The following ZC3H14 variants were observed in gnomAD, a reference collection of about 807,000 sequenced individuals.
ZC3H14 encodes zinc finger CCCH domain-containing protein 14.
ZC3H14 carries 31 observed loss-of-function variants against 92.4 expected under a neutral mutation model. The observed-to-expected ratio is 0.34, with a 90% CI of 0.25 to 0.45. ZC3H14 has a LOEUF of 0.45. Among genes scored for constraint, ZC3H14 ranks in the 20% least tolerant of loss-of-function variants. The probability of loss-of-function intolerance (pLI) is 1.00; values close to 1 mark genes in which losing one functional copy is unlikely to be tolerated. For missense variants in ZC3H14, 781 were observed against 897.3 expected (o/e 0.87, Z 1.66); for synonymous variants, 321 against 300.9 (o/e 1.07, Z -0.69).
intron 9 of ZC3H14, among the ~76,000 whole-genome samples, chr14:88,585,418 C>T (rs1259292632): frequency 2.0e-5 from 3 of 150,882 alleles, no homozygotes; most frequent in Admixed American, 1.3e-4. Flanking sequence ...CACTTTGTTG[C>T]CAGGCTGGAG....
rs148065725 is a variant in ZC3H14, at chr14:88,574,710, G to A, written c.879G>A (p.Lys293=). The A allele has an allele frequency of 2.3e-5, 37 of 1,613,982 alleles. No individual in the cohort carries two copies. Among genetic ancestry groups the A allele is most frequent in the Admixed American group, 3.3e-5 (2 of 60,000 alleles). The part of the protein sequence containing the change: ...KMSMEDENFR[K]RKLPVVSSVV... ...GATTGCAGGATGAAAACTTTCGGAAGAGAAAGTTGCCTGTGGTAAGTTCAG... is the reference window on the plus strand; with the variant it reads ...GATTGCAGGATGAAAACTTTCGGAAAAGAAAGTTGCCTGTGGTAAGTTCAG... The change falls in exon 7 of 17, where the codon AAG becomes AAA. Residue 293 remains lysine, a synonymous_variant. Coordinates refer to ENST00000251038, the MANE Select transcript of ZC3H14 (RefSeq NM_024824.5).
At chr14:88,577,013 G>A (rs538232731) in intron 8 of ZC3H14, among the ~76,000 whole-genome samples, 5 of 151,888 alleles carry the variant, frequency 3.3e-5, no homozygotes, top group South Asian at 4.2e-4. Context: ...GGCTGGTCTC[G>A]TACTCCTGAC....
In ZC3H14 at chr14:88,574,743, A is replaced by G; in HGVS notation, c.912A>G (p.Lys304=). The G allele has an allele frequency of 1.2e-6, 2 of 1,614,190 alleles. No individual in the cohort carries two copies. Among genetic ancestry groups the G allele is most frequent in the Non-Finnish European group, 1.7e-6 (2 of 1,180,028 alleles). ...RKLPVVSSVV[K]VKKFNHDGEE... Reference sequence around the variant, plus strand: ...TGCCTGTGGTAAGTTCAGTTGTTAAAGTAAAAAAATTCAATCATGATGGAG... The same window carrying G: ...TGCCTGTGGTAAGTTCAGTTGTTAAGGTAAAAAAATTCAATCATGATGGAG... Residue 304 remains lysine (K), a synonymous_variant, in exon 7 of 17, where the codon AAA becomes AAG. Coordinates refer to ENST00000251038, the MANE Select transcript of ZC3H14 (RefSeq NM_024824.5).
chr14:88,607,110 G>A, intron 12 of ZC3H14, 133 bp from the exon 13 acceptor site: 1 of 1,374,316 alleles, frequency 7.3e-7, no homozygotes, highest in Non-Finnish European at 1.0e-6. Context: ...CCCATAATTT[G>A]AGCTCACTTA....
At position 88,587,701 on chromosome 14, in the gene ZC3H14, T is replaced by G. The variant is rs188375162; in HGVS notation, c.1280-9033T>G. ...TGGCTCACACCTGTAATCCCAGCACTTTAGGAGGCTGAGGTGGGAGATTTG... is the reference window on the plus strand; with the variant it reads ...TGGCTCACACCTGTAATCCCAGCACGTTAGGAGGCTGAGGTGGGAGATTTG... On this transcript the variant is annotated intron_variant, in intron 9 of 16. Transcript: ENST00000251038. Among the ~76,000 whole-genome samples the G allele has an allele frequency of 4.2e-3, 643 of 152,260 alleles. 3 individuals carry two copies. The highest frequency in any genetic ancestry group is 7.0e-3 in the Non-Finnish European group (479 of 68,024).
At chr14:88,602,716 TGAACCA>T in intron 11 of ZC3H14, 106 bp from the exon 12 acceptor site, 1 of 1,162,380 alleles carries the variant, frequency 8.6e-7, no homozygotes, top group African/African-American at 1.5e-5. Context: ...CTTTTTTTAT[TGAACCA>T]AACGCAAAGC....
rs1192604617 is a variant in ZC3H14, at chr14:88,614,491, T to C, written c.*2740T>C. The C allele has an allele frequency of 6.6e-6, 1 of 152,222 alleles. No individual in the cohort carries two copies. Among genetic ancestry groups the C allele is most frequent in the Admixed American group, 6.5e-5 (1 of 15,280 alleles). 9.4% of individuals were successfully genotyped at this position (152,222 alleles called of 1,614,324 possible). On this transcript the variant is annotated 3_prime_UTR_variant, in exon 17 of 17. Transcript: ENST00000251038. ...AGAAAATAGGTATTAAGAATCTTCA[T>C]ATATCCTGTCAGACCAAATGGGATT... is the stretch of plus-strand genomic sequence containing the variant.
intron 8 of ZC3H14, 47 bp from the exon 9 acceptor site, chr14:88,577,938 C>A (rs568123304): frequency 6.2e-7 from 1 of 1,608,150 alleles, no homozygotes; most frequent in Non-Finnish European, 8.5e-7. Flanking sequence ...GGAGTTTTGA[C>A]GTATTACTGC....
chr14:88,627,165 C>A lies in ZC3H14; in HGVS notation c.*15414C>A. 1.1e-6 allele frequency: 1 copy of A among 927,582 alleles called. No individual in the cohort carries two copies. The highest frequency in any genetic ancestry group is 1.7e-6 in the Non-Finnish European group (1 of 598,724). 57.5% of individuals were successfully genotyped at this position (927,582 alleles called of 1,614,324 possible). ...AAAGGCTTAGAAGAGAGGCCAATGG[C>A]CCCTGCTCTACTACCTAGCAATACA... is the stretch of plus-strand genomic sequence containing the variant. On this transcript the variant is annotated 3_prime_UTR_variant, in exon 17 of 17. Coordinates refer to ENST00000251038, the MANE Select transcript of ZC3H14 (RefSeq NM_024824.5).
rs1308991307 is a variant in ZC3H14 at position 88,602,985 on chromosome 14, A to G, written c.1672A>G (p.Arg558Gly). 4 of 1,614,086 alleles carry G rather than the reference A, an allele frequency of 2.5e-6. No individual in the cohort carries two copies. The highest frequency in any genetic ancestry group is 3.4e-6 in the Non-Finnish European group (4 of 1,180,034). The change falls in exon 12 of 17, where the codon AGA becomes GGA. Residue 558 changes from arginine (R) to glycine (G), a missense_variant. This residue lies in a region of ZC3H14 where 221 missense variants were observed against 304.7 expected (regional missense o/e 0.73). Transcript: ENST00000251038. ...NQTAASNKGLRGLLHPQQLHL... is the reference protein window; with the variant it reads ...NQTAASNKGLGGLLHPQQLHL... ...AACTGCAGCCTCAAACAAGGGACTC[A>G]GAGGTCTCCTCCACCCACAGCAGTT...
intron 10 of ZC3H14, among the ~76,000 whole-genome samples, chr14:88,599,310 T>G (rs2140025013): frequency 6.6e-6 from 1 of 152,350 alleles, no homozygotes; most frequent in South Asian, 2.1e-4. Flanking sequence ...TAATCATCTG[T>G]TTTCCACTTT....
rs1442330374 is a variant in ZC3H14, at chr14:88,594,096, C to T, written c.1280-2638C>T. On this transcript the variant is annotated intron_variant, in intron 9 of 16. Transcript: ENST00000251038. ...ATCACGGGTCCAGTTACTTTCTCCG[C>T]CCTTTCCCTCCAGAGGATTTGTCAC... is the stretch of plus-strand genomic sequence containing the variant. 2.7e-5 allele frequency among the ~76,000 whole-genome samples: 4 copies of T among 146,438 alleles called. No individual in the cohort carries two copies. The East Asian group carries it at 8.2e-4, about 30-fold the overall frequency.
At chr14:88,564,736 C>T (rs970264234) in intron 2 of ZC3H14, among the ~76,000 whole-genome samples, 7 of 152,112 alleles carry the variant, frequency 4.6e-5, no homozygotes, top group African/African-American at 1.4e-4. Flanking sequence ...CTTAAAATGT[C>T]ATTGATGAAG....
At chr14:88,588,102 G>A (rs935853862) in intron 9 of ZC3H14, among the ~76,000 whole-genome samples, 4 of 150,114 alleles carry the variant, frequency 2.7e-5, no homozygotes, top group African/African-American at 9.9e-5. Context: ...TACCTGTACT[G>A]TAGCCTAAAA....
Position 88,621,299 on chromosome 14 carries a change from G to C in ZC3H14, c.*9548G>C, listed in dbSNP as rs753011904. On this transcript the variant is annotated 3_prime_UTR_variant, in exon 17 of 17. Transcript: ENST00000251038. ...CATTCCTTGTCCCAACAAGGATCTT[G>C]CCCTGAAACACAAGCAGGACCAATA... is the stretch of plus-strand genomic sequence containing the variant. 1 of 1,613,774 alleles carries C rather than the reference G, an allele frequency of 6.2e-7. No homozygotes were observed. The highest frequency in any genetic ancestry group is 8.5e-7 in the Non-Finnish European group (1 of 1,179,836).
intron 1 of ZC3H14, 134 bp downstream of exon 1, chr14:88,563,303 C>T (rs1439918182): frequency 1.3e-6 from 2 of 1,526,160 alleles, no homozygotes; most frequent in South Asian, 2.4e-5. Flanking sequence ...GGCTGCGGCT[C>T]CTCCTCGTCC....
At position 88,618,882 on chromosome 14, in the gene ZC3H14, T is replaced by G. The variant is rs2088275095; in HGVS notation, c.*7131T>G. Reference sequence around the variant, plus strand: ...TTATAAATACTTAAGATCAGTGACTTTTCCTTTCTAGTTCTTAAAAGTAAC... The same window carrying G: ...TTATAAATACTTAAGATCAGTGACTGTTCCTTTCTAGTTCTTAAAAGTAAC... On this transcript the variant is annotated 3_prime_UTR_variant, in exon 17 of 17. Coordinates refer to ENST00000251038, the MANE Select transcript of ZC3H14 (RefSeq NM_024824.5). The G allele has an allele frequency of 6.9e-7, 1 of 1,451,448 alleles. No homozygotes were observed. Among genetic ancestry groups the G allele is most frequent in the Non-Finnish European group, 9.1e-7 (1 of 1,096,428 alleles). 89.9% of individuals were successfully genotyped at this position (1,451,448 alleles called of 1,614,324 possible). A position where few individuals can be genotyped will look rare whatever the true frequency, so the allele number is the denominator to read the frequency against.
At chr14:88,592,238 C>T (rs925150309) in intron 9 of ZC3H14, 1 of 152,008 alleles carries the variant, frequency 6.6e-6, no homozygotes, top group South Asian at 2.1e-4. Flanking sequence ...TGGTGCTTTT[C>T]TGAGAGTGTC....
intron 12 of ZC3H14, among the ~76,000 whole-genome samples, chr14:88,605,172 A>G (rs1595074427): frequency 6.6e-6 from 1 of 152,042 alleles, no homozygotes; most frequent in African/African-American, 2.4e-5. Flanking sequence ...GTTCTTGTGT[A>G]TATATTATAG....
Sources: allele counts gnomAD v4.1 joint callset (sites outside exome capture counted in the v4.1 genomes callset), GRCh38; gene constraint gnomAD v4.1.1; regional missense constraint gnomAD v4.1.1; transcripts MANE v1.5; gene names NCBI Gene and HGNC (gene_info 2026-07-23, HGNC 2026-07-21).